NPAS3: variants seen among roughly 807,000 people sequenced by gnomAD.
NPAS3 encodes neuronal PAS domain protein 3, also known as neuronal PAS domain-containing protein 3.
NPAS3 carries 14 observed loss-of-function variants against 73.1 expected under a neutral mutation model. The observed-to-expected ratio is 0.19, with a 90% confidence interval of 0.13 to 0.30. NPAS3 has a LOEUF of 0.30. Ranked by LOEUF, NPAS3 falls within the 10% of genes least tolerant of loss-of-function variation. NPAS3 has a pLI of 1.00. For missense variants in NPAS3, 1,096 were observed against 1,250.0 expected, an observed-to-expected ratio of 0.88 and a Z score of 1.86; for synonymous variants, 620 against 541.5, an observed-to-expected ratio of 1.14 and a Z score of -2.01.
intron 4 of NPAS3, among the ~76,000 whole-genome samples, chr14:33,484,504 A>G (rs1358586516): frequency 2.0e-5 from 3 of 152,188 alleles, no homozygotes; most frequent in Non-Finnish European, 2.9e-5. Context: ...ACTCAGAGAT[A>G]AAAATACCCA....
chr14:33,432,708 C>T (rs1462566605), intron 4 of NPAS3, among the ~76,000 whole-genome samples: 4 of 152,114 alleles, frequency 2.6e-5, no homozygotes, highest in Non-Finnish European at 5.9e-5. Flanking sequence ...GAAACTCTAT[C>T]GTTGCAAATT....
At chr14:33,705,847 A>G (rs929124820) in intron 6 of NPAS3, among the ~76,000 whole-genome samples, 9 of 152,262 alleles carry the variant, frequency 5.9e-5, no homozygotes, top group African/African-American at 2.2e-4. Context: ...AAGCCAAATC[A>G]TCTGACAAGG....
At chr14:33,643,831 CCATT>C (rs1335756903) in intron 5 of NPAS3, among the ~76,000 whole-genome samples, 3 of 152,066 alleles carry the variant, frequency 2.0e-5, no homozygotes, top group Non-Finnish European at 4.4e-5. Flanking sequence ...AAGCTCAAGT[CCATT>C]GTTTTTAAAT....
At chr14:33,715,614 A>C (rs2060936345) in intron 6 of NPAS3, among the ~76,000 whole-genome samples, 1 of 152,186 alleles carries the variant, frequency 6.6e-6, no homozygotes, top group Non-Finnish European at 1.5e-5. Context: ...TGCCAGTCAC[A>C]GTGTATGCTT....
At chr14:33,271,066 A>G (rs2041052616) in intron 3 of NPAS3, among the ~76,000 whole-genome samples, 1 of 152,210 alleles carries the variant, frequency 6.6e-6, no homozygotes, top group Non-Finnish European at 1.5e-5. Context: ...AAATACAGAG[A>G]AACCGTCTGT....
At chr14:33,025,838 T>C (rs2138302260) in intron 1 of NPAS3, among the ~76,000 whole-genome samples, 2 of 152,304 alleles carry the variant, frequency 1.3e-5, no homozygotes, top group Non-Finnish European at 1.5e-5. Context: ...GAAGTCTGTA[T>C]AGTTCACAGA....
At chr14:33,448,915 C>T (rs1361871643) in intron 4 of NPAS3, among the ~76,000 whole-genome samples, 3 of 152,160 alleles carry the variant, frequency 2.0e-5, no homozygotes, top group African/African-American at 7.2e-5. Context: ...AGAGAAACCC[C>T]AAACGATCTG....
At chr14:33,637,928 C>T (rs2058568579) in intron 5 of NPAS3, among the ~76,000 whole-genome samples, 1 of 152,120 alleles carries the variant, frequency 6.6e-6, no homozygotes, top group Admixed American at 6.5e-5. Flanking sequence ...GGGCTTTACC[C>T]CAAATCAGAG....
At chr14:33,726,052 C>A (rs1465265633) in intron 6 of NPAS3, among the ~76,000 whole-genome samples, 2 of 152,162 alleles carry the variant, frequency 1.3e-5, no homozygotes, top group African/African-American at 4.8e-5. Context: ...ATTCAATATC[C>A]ATTAGGGTTT....
chr14:33,026,291 G>A (rs1350483144), intron 1 of NPAS3, among the ~76,000 whole-genome samples: 1 of 152,176 alleles, frequency 6.6e-6, no homozygotes, highest in East Asian at 1.9e-4. Context: ...AGTTTGGTTT[G>A]ACCTTTCTGT....
intron 4 of NPAS3, among the ~76,000 whole-genome samples, chr14:33,517,313 G>A (rs1470348092): frequency 6.6e-6 from 1 of 151,890 alleles, no homozygotes; most frequent in African/African-American, 2.4e-5. Context: ...ATTTCCTGAA[G>A]TCTACACCCT....
intron 4 of NPAS3, among the ~76,000 whole-genome samples, chr14:33,473,450 A>T (rs1042886565): frequency 6.6e-6 from 1 of 152,186 alleles, no homozygotes; most frequent in African/African-American, 2.4e-5. Context: ...TCTAGAGAGA[A>T]CAAAGTAATA....
At chr14:33,041,788 C>CCATGTTA (rs1442239765) in intron 1 of NPAS3, among the ~76,000 whole-genome samples, 1 of 152,068 alleles carries the variant, frequency 6.6e-6, no homozygotes, top group Non-Finnish European at 1.5e-5. Context: ...GGAAATGTAA[C>CCATGTTA]CATGTTTTGG....
chr14:33,800,043 G>A lies in NPAS3; in HGVS notation c.1736G>A (p.Ser579Asn). ...AACTGCGAGTCACTCACGTCCGACA[G>A]CGCCAAGGACTCGGACAGCGCAGGC... The change falls in exon 12 of 12, where the codon AGC (serine) becomes AAC (asparagine). Residue 579 changes from serine to asparagine, a missense_variant. Ser to Asn is a conservative substitution (Grantham distance 46). Transcript: ENST00000356141. This position sits in a 1 kb window ranked among gnomAD's most constrained non-coding sequence, Gnocchi z 6.5. 6.2e-7 allele frequency: 1 copy of A among 1,608,756 alleles called. No homozygotes were observed. Among genetic ancestry groups the A allele is most frequent in the Non-Finnish European group, 8.5e-7 (1 of 1,179,352 alleles).
chr14:33,026,988 C>A (rs1390796750), intron 1 of NPAS3, among the ~76,000 whole-genome samples: 1 of 152,070 alleles, frequency 6.6e-6, no homozygotes, highest in East Asian at 1.9e-4. Flanking sequence ...TAGGATCTGC[C>A]AGCTCAGGGA....
intron 9 of NPAS3, among the ~76,000 whole-genome samples, chr14:33,786,219 CAAT>C (rs1182088838): frequency 6.6e-6 from 1 of 152,190 alleles, no homozygotes; most frequent in Non-Finnish European, 1.5e-5. Context: ...AGACGACCAA[CAAT>C]GACTGCTACA....
chr14:33,248,095 G>A (rs1594502665), intron 3 of NPAS3, among the ~76,000 whole-genome samples: 2 of 152,304 alleles, frequency 1.3e-5, no homozygotes. Context: ...GCAAGTGATA[G>A]CTTTTTACTG....
intron 6 of NPAS3, among the ~76,000 whole-genome samples, chr14:33,699,502 G>GA (rs1321967565): frequency 1.3e-5 from 2 of 152,108 alleles, no homozygotes; most frequent in Non-Finnish European, 2.9e-5. Context: ...AGGGCGCCAG[G>GA]AAAGTGGCTG....
chr14:33,021,069 C>T (rs539367256), intron 1 of NPAS3, among the ~76,000 whole-genome samples: 3 of 152,148 alleles, frequency 2.0e-5, no homozygotes, highest in South Asian at 4.2e-4. Context: ...CGGCCAGGTC[C>T]GACATTTTTA....
Sources: allele counts gnomAD v4.1 joint callset (sites outside exome capture counted in the v4.1 genomes callset), GRCh38; gene constraint gnomAD v4.1.1; non-coding constraint Gnocchi (gnomAD v3.1); transcripts MANE v1.5; gene names NCBI Gene and HGNC (gene_info 2026-07-23, HGNC 2026-07-21).